NXPE2: variants seen among roughly 807,000 people sequenced by gnomAD.
The protein encoded by NXPE2 is NXPE family member 2.
A neutral mutation model predicts 34.4 loss-of-function variants in NXPE2; 34 were observed. That is an observed-to-expected ratio of 0.99 (90% confidence interval 0.75 to 1.31). The LOEUF (loss-of-function observed/expected upper bound fraction) is 1.31. Among genes scored for constraint, NXPE2 ranks in the 40% most tolerant of loss-of-function variants. NXPE2 has a pLI of 0.00. For missense variants in NXPE2, 649 were observed against 672.5 expected (o/e 0.97, Z 0.39); for synonymous variants, 235 against 231.3 (o/e 1.02, Z -0.15).
chr11:114,671,048 T>A, the NXPE2 span, among the ~76,000 whole-genome samples: 1 of 147,828 alleles, frequency 6.8e-6, no homozygotes, highest in Non-Finnish European at 1.5e-5. Context: ...TATATATATA[T>A]AAAAATATAA....
the NXPE2 span, among the ~76,000 whole-genome samples, chr11:114,567,293 A>C: frequency 1.3e-5 from 2 of 152,008 alleles, no homozygotes; most frequent in South Asian, 4.2e-4. Context: ...TGCACAGCTC[A>C]TCTTTGTCCT....
the NXPE2 span, among the ~76,000 whole-genome samples, chr11:114,741,812 T>G: frequency 1.3e-5 from 2 of 152,232 alleles, no homozygotes; most frequent in Non-Finnish European, 2.9e-5. Flanking sequence ...TCATAATTTC[T>G]TTGGGGTCAC....
chr11:114,469,639 C>G, the NXPE2 span, among the ~76,000 whole-genome samples: 2 of 151,508 alleles, frequency 1.3e-5, no homozygotes, highest in Non-Finnish European at 2.9e-5. Flanking sequence ...ACATGCACCC[C>G]CCCCACCACA....
the NXPE2 span, chr11:114,581,698 C>A: frequency 6.3e-7 from 1 of 1,586,120 alleles, no homozygotes; most frequent in South Asian, 1.1e-5. Context: ...GAACTAGGCA[C>A]CACCCACCAA....
chr11:114,768,702 G>GCT, the NXPE2 span, among the ~76,000 whole-genome samples: 1 of 152,128 alleles, frequency 6.6e-6, no homozygotes, highest in African/African-American at 2.4e-5. Context: ...TCATGATTTG[G>GCT]CTCTCTGTCT....
At chr11:114,753,318 A>G in the NXPE2 span, among the ~76,000 whole-genome samples, 1 of 152,190 alleles carries the variant, frequency 6.6e-6, no homozygotes, top group African/African-American at 2.4e-5. Flanking sequence ...CCTTGAGCCC[A>G]GGAAGTATAG....
At chr11:114,698,864 T>A in intron 3 of NXPE2, 86 bp downstream of exon 3, 1 of 1,270,394 alleles carries the variant, frequency 7.9e-7, no homozygotes, top group Non-Finnish European at 1.1e-6. Flanking sequence ...CAAACTTTTG[T>A]ATCATGTCAA....
chr11:114,711,380 G>C (rs1378240184), downstream of NXPE2, among the ~76,000 whole-genome samples: 1 of 152,066 alleles, frequency 6.6e-6, no homozygotes, highest in Non-Finnish European at 1.5e-5. Context: ...AAATCTTAAA[G>C]ATTCTGCACA....
chr11:114,752,294 A>T, the NXPE2 span, among the ~76,000 whole-genome samples: 1 of 152,282 alleles, frequency 6.6e-6, no homozygotes, highest in East Asian at 1.9e-4. Flanking sequence ...CTTCCGGGAG[A>T]TGAGTTAGAG....
At chr11:114,530,330 T>A in the NXPE2 span, 7 of 1,614,078 alleles carry the variant, frequency 4.3e-6, no homozygotes, top group Non-Finnish European at 5.9e-6. Flanking sequence ...GTTCAGCATT[T>A]GAGTTTAGGG....
the NXPE2 span, among the ~76,000 whole-genome samples, chr11:114,808,524 C>G: frequency 2.4e-5 from 3 of 127,140 alleles, no homozygotes; most frequent in Non-Finnish European, 5.0e-5. Flanking sequence ...CACCACCGAT[C>G]CCACAGAAAT....
the NXPE2 span, among the ~76,000 whole-genome samples, chr11:114,765,897 C>T: frequency 6.6e-6 from 1 of 152,172 alleles, no homozygotes; most frequent in South Asian, 2.1e-4. Flanking sequence ...ATCTCTCCAG[C>T]CCTGGCCTTG....
downstream of NXPE2, among the ~76,000 whole-genome samples, chr11:114,708,674 C>T (rs754789652): frequency 4.2e-4 from 63 of 148,470 alleles, no homozygotes; most frequent in Non-Finnish European, 8.5e-4. Flanking sequence ...AAGCCTAGGT[C>T]ATAAGTCTGG....
At chr11:114,583,160 A>G in the NXPE2 span, 834 of 922,350 alleles carry the variant, frequency 9.0e-4, 8 homozygotes, top group African/African-American at 0.012. Context: ...ATTGATTTAC[A>G]TACTATTATC....
At chr11:114,688,319 C>A (rs1951084530) in intron 2 of NXPE2, among the ~76,000 whole-genome samples, 1 of 152,060 alleles carries the variant, frequency 6.6e-6, no homozygotes, top group African/African-American at 2.4e-5. Context: ...TTATTGAATG[C>A]TTTTTCTGCA....
the NXPE2 span, among the ~76,000 whole-genome samples, chr11:114,613,523 C>T: frequency 8.6e-5 from 13 of 151,658 alleles, no homozygotes; most frequent in East Asian, 2.0e-4. Context: ...AGTATTGCTT[C>T]GTGGGTAATC....
chr11:114,719,731 C>G, the NXPE2 span, among the ~76,000 whole-genome samples: 2 of 152,254 alleles, frequency 1.3e-5, no homozygotes, highest in Non-Finnish European at 2.9e-5. Context: ...GGGCATGCGG[C>G]TCCTCTGAAG....
the NXPE2 span, among the ~76,000 whole-genome samples, chr11:114,638,462 A>G: frequency 1.9e-4 from 29 of 151,442 alleles, no homozygotes; most frequent in Middle Eastern, 6.8e-3. Flanking sequence ...TCTTCTCTCA[A>G]CTCATCAAAG....
chr11:114,706,294 G>T, intron 5 of NXPE2, 101 bp from the exon 6 acceptor site: 1 of 1,022,294 alleles, frequency 9.8e-7, no homozygotes, highest in South Asian at 1.8e-5. Flanking sequence ...ATAGTGCTTA[G>T]TTAGAAGTGA....
Sources: allele counts gnomAD v4.1 joint callset (sites outside exome capture counted in the v4.1 genomes callset), GRCh38; gene constraint gnomAD v4.1.1; transcripts MANE v1.5; gene names NCBI Gene and HGNC (gene_info 2026-07-23, HGNC 2026-07-21).